Variants in HIBCH observed in about 807,000 individuals in gnomAD.
HIBCH encodes the protein 3-hydroxyisobutyryl-CoA hydrolase, mitochondrial.
Under a neutral mutation model 58.2 loss-of-function variants are expected in HIBCH, and 50 were observed. The observed-to-expected ratio is 0.86, with a 90% CI of 0.68 to 1.09. HIBCH has a LOEUF of 1.09. HIBCH is among the 50% of genes least tolerant of loss of function. The pLI, the probability that HIBCH is intolerant of heterozygous loss-of-function variation, is 0.00. For synonymous variants in HIBCH, 151 were observed against 146.9 expected (o/e 1.03, Z -0.20); for missense variants, 450 against 449.7 (o/e 1.00, Z -0.01).
Position 190,193,463 on chromosome 2 carries a change from A to C in HIBCH, c.*18-3466T>G, listed in dbSNP as rs1689813222. On this transcript the variant is annotated intron_variant, in intron 1 of 1. Transcript: ENST00000399855. The stretch of plus-strand genomic sequence containing the variant: ...TTTCCTCTTTCTCTCTTTTCTGAAG[A>C]GTTTAGATAAGACTGGTATTACTTC... Among the ~76,000 whole-genome samples, 3 of 152,058 alleles carry C rather than the reference A, an allele frequency of 2.0e-5. No homozygotes were observed. The South Asian group carries it at 6.2e-4, about 32-fold the overall frequency.
At chr2:190,224,034 G>A (rs1685811608) in intron 11 of HIBCH, among the ~76,000 whole-genome samples, 1 of 152,194 alleles carries the variant, frequency 6.6e-6, no homozygotes, top group Admixed American at 6.5e-5. Flanking sequence ...ACGGTACCTG[G>A]AAAATCAGGA....
In HIBCH at chr2:190,319,311, C is replaced by A. The variant is rs780632318; in HGVS notation, c.35+405G>T. ...AAGCTGAATAAAATCACACCACGGG[C>A]AGAGAGAGGTGCAGCAACTGGCAAA... On this transcript the variant is annotated intron_variant, in intron 1 of 13. Coordinates refer to ENST00000359678, the MANE Select transcript of HIBCH (RefSeq NM_014362.4). Among the ~76,000 whole-genome samples the A allele has an allele frequency of 2.0e-5, 3 of 152,236 alleles. No individual in the cohort carries two copies. The South Asian group carries it at 6.2e-4, about 31-fold the overall frequency.
intron 1 of HIBCH, among the ~76,000 whole-genome samples, chr2:190,192,299 T>C (rs756979604): frequency 6.6e-6 from 1 of 152,118 alleles, no homozygotes; most frequent in Non-Finnish European, 1.5e-5. Context: ...TTCTGTTTCA[T>C]AGGTTTGTGG....
chr2:190,271,657 A>T (rs2582769), intron 6 of HIBCH, among the ~76,000 whole-genome samples: 110,013 of 151,962 alleles, frequency 0.72, 40,307 homozygotes, highest in Non-Finnish European at 0.75. Flanking sequence ...AATAATCACT[A>T]TACTTCCAAT....
intron 6 of HIBCH, among the ~76,000 whole-genome samples, chr2:190,280,301 C>T (rs1328132791): frequency 6.6e-6 from 1 of 152,164 alleles, no homozygotes; most frequent in Admixed American, 6.5e-5. Flanking sequence ...AAGGTATCAA[C>T]CCTACTCCTA....
chr2:190,228,149 C>T (rs1003474698), intron 11 of HIBCH, among the ~76,000 whole-genome samples: 2 of 152,066 alleles, frequency 1.3e-5, no homozygotes, highest in Non-Finnish European at 2.9e-5. Flanking sequence ...TTGGAACCAA[C>T]CCAAATGTCC....
chr2:190,262,440 T>G (rs1049923786), intron 6 of HIBCH, among the ~76,000 whole-genome samples: 1 of 152,210 alleles, frequency 6.6e-6, no homozygotes, highest in African/African-American at 2.4e-5. Flanking sequence ...CTTCACCACA[T>G]TTTCAGTTAG....
intron 11 of HIBCH, among the ~76,000 whole-genome samples, chr2:190,239,929 C>A (rs759010110): frequency 1.3e-5 from 2 of 152,144 alleles, no homozygotes; most frequent in Non-Finnish European, 2.9e-5. Context: ...GGATTACAGG[C>A]ATGAGCCACC....
In HIBCH at chr2:190,198,412, G is replaced by A. The variant is rs184383454; in HGVS notation, c.*17+6688C>T. Reference sequence around the variant, plus strand: ...TCCAAGCACTTTGGGAGGCTGAGGTGGGCAGATCACTTGACCCCGGGAGTT... The same window carrying A: ...TCCAAGCACTTTGGGAGGCTGAGGTAGGCAGATCACTTGACCCCGGGAGTT... On this transcript the variant is annotated intron_variant, in intron 1 of 1. Transcript: ENST00000399855. Among the ~76,000 whole-genome samples the A allele has an allele frequency of 2.4e-3, 369 of 152,116 alleles. 1 individual carries two copies. Among genetic ancestry groups the A allele is most frequent in the Admixed American group, 5.6e-3 (85 of 15,268 alleles).
intron 6 of HIBCH, among the ~76,000 whole-genome samples, chr2:190,276,333 T>A (rs1348221316): frequency 1.3e-5 from 2 of 152,174 alleles, no homozygotes; most frequent in South Asian, 2.1e-4. Flanking sequence ...AGAGTTTCAA[T>A]GGGAAATTAT....
chr2:190,253,294 T>C (rs1686831400), intron 7 of HIBCH, among the ~76,000 whole-genome samples: 1 of 152,340 alleles, frequency 6.6e-6, no homozygotes, highest in East Asian at 1.9e-4. Flanking sequence ...CCTCTAGTTT[T>C]ATAATTTATG....
rs1264857297 is a variant in HIBCH, at chr2:190,261,362, A to G, written c.439-128T>C. ...TTTATACTCCACAGGAACTTGCTTC[A>G]GGGAATAGGTTGTCCCCACCTCTTT... On this transcript the variant is annotated intron_variant, in intron 6 of 13. Transcript: ENST00000359678. 5.7e-6 allele frequency: 4 copies of G among 699,174 alleles called. No homozygotes were observed. In the Admixed American group the frequency reaches 9.2e-5, roughly 16 times the overall value. The allele number at this position is 699,174 out of a possible 1,614,324, so 43.3% of individuals were successfully genotyped here. A position where few individuals can be genotyped will look rare whatever the true frequency, so the allele number is the denominator to read the frequency against.
intron 1 of HIBCH, among the ~76,000 whole-genome samples, chr2:190,194,475 TATACACACACACACACACAC>T (rs1689873208): frequency 7.9e-6 from 1 of 126,820 alleles, no homozygotes; most frequent in Admixed American, 7.9e-5. Flanking sequence ...GTATCCTGTG[TATACACACACACACACACAC>T]ACACACACAC....
chr2:190,205,884 G>A (rs1690377977), intron 13 of HIBCH, among the ~76,000 whole-genome samples: 1 of 152,118 alleles, frequency 6.6e-6, no homozygotes, highest in South Asian at 2.1e-4. Flanking sequence ...AAAAGGGGGA[G>A]GAATGTCCAG....
At chr2:190,314,290 T>C (rs183799540) in intron 1 of HIBCH, among the ~76,000 whole-genome samples, 3,919 of 58,476 alleles carry the variant, frequency 0.067, 114 homozygotes, top group African/African-American at 0.097. Flanking sequence ...TATATATATA[T>C]GTATATATAC....
chr2:190,266,161 G>T (rs2105958274), intron 6 of HIBCH, among the ~76,000 whole-genome samples: 1 of 152,168 alleles, frequency 6.6e-6, no homozygotes, highest in Admixed American at 6.5e-5. Context: ...ATATTAAGAT[G>T]AATTCCAAGG....
intron 7 of HIBCH, among the ~76,000 whole-genome samples, chr2:190,253,588 G>C (rs1686841149): frequency 1.3e-5 from 2 of 152,042 alleles, no homozygotes; most frequent in African/African-American, 2.4e-5. Flanking sequence ...CCCCATCAGT[G>C]ACCACATCTT....
chr2:190,253,142 C>A (rs1686826212), intron 7 of HIBCH, among the ~76,000 whole-genome samples: 1 of 152,148 alleles, frequency 6.6e-6, no homozygotes. Context: ...TGAGCTAATG[C>A]CACTGCACTG....
At chr2:190,286,903 T>C (rs2582741) in intron 6 of HIBCH, among the ~76,000 whole-genome samples, 147,828 of 151,862 alleles carry the variant, frequency 0.97, 71,992 homozygotes, top group Admixed American at 0.98. Context: ...TCTTCTGAAG[T>C]TTCTGAAAAG....
Sources: gnomAD v4.1 joint callset for allele counts (sites outside exome capture counted in the v4.1 genomes callset) on GRCh38, gnomAD v4.1.1 for gene constraint, MANE v1.5 for transcripts, NCBI Gene and HGNC (gene_info 2026-07-23, HGNC 2026-07-21) for gene names.